Variants in UHRF1 observed in about 807,000 individuals in gnomAD.
UHRF1 encodes the protein E3 ubiquitin-protein ligase UHRF1.
UHRF1 carries 9 observed loss-of-function variants against 96.5 expected under a neutral mutation model. The ratio of observed to expected loss-of-function variants is 0.09; its 90% CI spans 0.06 to 0.16. The LOEUF (loss-of-function observed/expected upper bound fraction) is 0.16. Ranked by LOEUF, UHRF1 falls within the 10% of genes least tolerant of loss-of-function variation. The probability of loss-of-function intolerance (pLI) is 1.00; values close to 1 mark genes in which losing one functional copy is unlikely to be tolerated. For missense variants in UHRF1, 626 were observed against 1,131.1 expected (o/e 0.55, Z 6.40); for synonymous variants, 455 against 469.9 (o/e 0.97, Z 0.41).
intron 2 of UHRF1, among the ~76,000 whole-genome samples, chr19:4,925,856 A>G (rs1185899474): frequency 6.7e-6 from 1 of 148,752 alleles, no homozygotes; most frequent in Non-Finnish European, 1.5e-5. Context: ...GGATGGCCAC[A>G]TTGTGTTGAT....
At chr19:4,908,880 G>C (rs2032134589), upstream of UHRF1, among the ~76,000 whole-genome samples, 1 of 152,156 alleles carries the variant, frequency 6.6e-6, no homozygotes, top group African/African-American at 2.4e-5. Flanking sequence ...TCACTCCTGT[G>C]CCCGCCAGGA....
intron 13 of UHRF1, among the ~76,000 whole-genome samples, chr19:4,953,378 G>A (rs1055119625): frequency 2.0e-5 from 3 of 152,164 alleles, no homozygotes; most frequent in Admixed American, 6.5e-5. Flanking sequence ...ATTAGGCACA[G>A]TATGAGATTC....
At chr19:4,904,242 G>A (rs1241927297) in intron 1 of UHRF1, among the ~76,000 whole-genome samples, 3 of 151,850 alleles carry the variant, frequency 2.0e-5, no homozygotes, top group East Asian at 3.9e-4. Flanking sequence ...GCAGTGGTGC[G>A]ATCTCGGCTC....
intron 2 of UHRF1, among the ~76,000 whole-genome samples, chr19:4,918,003 A>T (rs1398524475): frequency 6.6e-6 from 1 of 152,112 alleles, no homozygotes; most frequent in Non-Finnish European, 1.5e-5. Flanking sequence ...CCAAATGTCC[A>T]AAAAGCAAGG....
chr19:4,956,566 G>A (rs925276637), intron 15 of UHRF1, 143 bp from the exon 16 acceptor site: 12 of 646,898 alleles, frequency 1.9e-5, no homozygotes, highest in Non-Finnish European at 2.8e-5. Context: ...TTCTCAGAAC[G>A]GGGACGATCA....
At chr19:4,913,807 CTTTTTTT>C (rs11341952) in intron 2 of UHRF1, among the ~76,000 whole-genome samples, 3 of 110,154 alleles carry the variant, frequency 2.7e-5, no homozygotes, top group Non-Finnish European at 5.2e-5. Context: ...CATGCAGTAG[CTTTTTTT>C]TTTTTTTTTT....
chr19:4,940,310 G>C (rs972446227), intron 5 of UHRF1, among the ~76,000 whole-genome samples: 1 of 149,410 alleles, frequency 6.7e-6, no homozygotes, highest in African/African-American at 2.4e-5. Context: ...TCACTCACAG[G>C]AGTTCTTGTA....
intron 1 of UHRF1, chr19:4,910,567 G>C (rs894223786): frequency 3.4e-6 from 1 of 294,778 alleles, no homozygotes; most frequent in Non-Finnish European, 6.3e-6. Flanking sequence ...CACTTGGCCC[G>C]GGCCTCCTTT....
chr19:4,956,627 G>C, intron 15 of UHRF1, 82 bp from the exon 16 acceptor site: 1 of 841,476 alleles, frequency 1.2e-6, no homozygotes, highest in Admixed American at 2.0e-5. Flanking sequence ...GAGGACCCAG[G>C]TACATGCTCA....
At chr19:4,940,705 C>G (rs139113301) in intron 5 of UHRF1, among the ~76,000 whole-genome samples, 1,908 of 152,042 alleles carry the variant, frequency 0.013, 47 homozygotes, top group African/African-American at 0.043. Context: ...TGGAGTCTCA[C>G]TCTGTCGCCC....
intron 5 of UHRF1, among the ~76,000 whole-genome samples, chr19:4,935,321 G>A (rs1238131517): frequency 6.6e-6 from 1 of 152,184 alleles, no homozygotes; most frequent in Non-Finnish European, 1.5e-5. Flanking sequence ...GCCTGCCGCT[G>A]TGTAAGATGT....
intron 4 of UHRF1, among the ~76,000 whole-genome samples, chr19:4,932,296 G>C (rs2033078227): frequency 6.6e-6 from 1 of 152,132 alleles, no homozygotes; most frequent in African/African-American, 2.4e-5. Context: ...TTGAACTCCT[G>C]ACCTCAGGTG....
At chr19:4,944,070 G>T in intron 7 of UHRF1, 62 bp from the exon 8 acceptor site, 1 of 1,599,308 alleles carries the variant, frequency 6.3e-7, no homozygotes, top group Non-Finnish European at 8.5e-7. Flanking sequence ...TGGGCAGAGG[G>T]CACATGTTGG....
In UHRF1 at chr19:4,954,213, C is replaced by T. The variant is rs2145212164; in HGVS notation, c.1819-137C>T. The T allele has an allele frequency of 7.8e-7, 1 of 1,289,710 alleles. No homozygotes were observed. The highest frequency in any genetic ancestry group is 1.1e-6 in the Non-Finnish European group (1 of 945,610). The allele number at this position is 1,289,710 out of a possible 1,614,324, so 79.9% of individuals were successfully genotyped here. Reference sequence around the variant, plus strand: ...CTCAGCAAAACTAGATAAGGGAGGACTACCCTGTGCTCTTCAGGGGGATTG... The same window carrying T: ...CTCAGCAAAACTAGATAAGGGAGGATTACCCTGTGCTCTTCAGGGGGATTG... On this transcript the variant is annotated intron_variant, in intron 13 of 16. Coordinates refer to ENST00000650932, the MANE Select transcript of UHRF1 (RefSeq NM_001048201.3). The surrounding 1 kb of genome is among the most constrained non-coding windows in gnomAD (Gnocchi z 5.9).
intron 13 of UHRF1, among the ~76,000 whole-genome samples, chr19:4,952,629 G>C (rs2033749111): frequency 6.6e-6 from 1 of 151,652 alleles, no homozygotes; most frequent in South Asian, 2.1e-4. Context: ...TGATCCACCT[G>C]CTTCCACCTC....
chr19:4,942,852 C>T (rs371261879), intron 7 of UHRF1, among the ~76,000 whole-genome samples: 1 of 151,940 alleles, frequency 6.6e-6, no homozygotes. Flanking sequence ...AGGATCGGAT[C>T]GCTGGAGCCC....
intron 9 of UHRF1, among the ~76,000 whole-genome samples, 174 bp from the exon 10 acceptor site, chr19:4,945,687 C>G (rs1421307167): frequency 6.7e-5 from 10 of 148,804 alleles, no homozygotes; most frequent in Admixed American, 2.7e-4. Context: ...TGGTGCAGCT[C>G]AACTCCGGCC....
chr19:4,948,763 C>T (rs998607701), intron 11 of UHRF1, among the ~76,000 whole-genome samples: 26 of 151,886 alleles, frequency 1.7e-4, no homozygotes, highest in African/African-American at 6.0e-4. Flanking sequence ...CATGCCATTG[C>T]ACTCTTGCAC....
At chr19:4,937,856 T>C (rs866355987) in intron 5 of UHRF1, among the ~76,000 whole-genome samples, 2 of 152,168 alleles carry the variant, frequency 1.3e-5, no homozygotes, top group African/African-American at 2.4e-5. Flanking sequence ...TAGAATTCTT[T>C]AACGAGACCA....
Sources: allele counts gnomAD v4.1 joint callset (sites outside exome capture counted in the v4.1 genomes callset), GRCh38; gene constraint gnomAD v4.1.1; non-coding constraint Gnocchi (gnomAD v3.1); transcripts MANE v1.5; gene names NCBI Gene and HGNC (gene_info 2026-07-23, HGNC 2026-07-21).